The following SLC22A8 variants were observed in gnomAD, a reference collection of about 807,000 sequenced individuals.
SLC22A8 encodes the protein solute carrier family 22 member 8, also known as organic anion transporter 3.
Under a neutral mutation model 48.4 loss-of-function variants are expected in SLC22A8, and 40 were observed. That is an observed-to-expected ratio of 0.83 (90% CI 0.64 to 1.08). The LOEUF (loss-of-function observed/expected upper bound fraction) is 1.08, where lower values mean the gene tolerates loss of function less well. SLC22A8 is among the 50% of genes least tolerant of loss of function. SLC22A8 has a pLI of 0.00. For missense variants in SLC22A8, 606 were observed against 699.0 expected, an observed-to-expected ratio of 0.87 and a Z score of 1.50; for synonymous variants, 268 against 286.3, an observed-to-expected ratio of 0.94 and a Z score of 0.65.
chr11:63,014,569 G>T, intron 2 of SLC22A8, 57 bp downstream of exon 2: 1 of 1,390,520 alleles, frequency 7.2e-7, no homozygotes, highest in Non-Finnish European at 9.9e-7. Flanking sequence ...GCCCACCAGC[G>T]GTGCAGGGTA....
Position 62,995,808 on chromosome 11 carries a change from G to GC in SLC22A8, c.896_897insG (p.Asn300GlnfsTer17). 3 of 1,613,758 alleles carry GC rather than the reference G, an allele frequency of 1.9e-6. No individual in the cohort carries two copies. The highest frequency in any genetic ancestry group is 2.5e-6 in the Non-Finnish European group (3 of 1,179,660). On this transcript the variant is annotated frameshift_variant, in exon 7 of 11. Coordinates refer to ENST00000336232, the MANE Select transcript of SLC22A8 (RefSeq NM_004254.4). LOFTEE classifies it high-confidence loss of function. Reference sequence around the variant, plus strand: ...CCAAGGAGATCTCCTTCTGCAGGTTGAGTTTGAGCTCCTTCGGGCAGAGGA... The same window carrying GC: ...CCAAGGAGATCTCCTTCTGCAGGTTGCAGTTTGAGCTCCTTCGGGCAGAGGA...
In SLC22A8 at chr11:62,995,725, G is replaced by A. The variant is rs139583788; in HGVS notation, c.980C>T (p.Thr327Ile). The A allele has an allele frequency of 1.7e-5, 28 of 1,613,832 alleles. No individual in the cohort carries two copies. The African/African-American group carries it at 3.2e-4, about 18-fold the overall frequency. ...LFRIPMLRRM[T>I]FCLSLAWFAT... ...TTACCAGGCCAGGGAAAGACAGAAG[G>A]TCATGCGGCGCAGCATGGGTATCCG... The change falls in exon 7 of 11, where the codon ACC (threonine) becomes ATC (isoleucine). Residue 327 changes from threonine to isoleucine, a missense_variant. Thr to Ile is a moderately conservative substitution (Grantham distance 89). Transcript: ENST00000336232.
intron 4 of SLC22A8, 131 bp from the exon 5 acceptor site, chr11:62,999,220 C>T (rs924481951): frequency 2.5e-5 from 19 of 750,968 alleles, no homozygotes; most frequent in East Asian, 5.3e-5. Flanking sequence ...TATCGCCCTC[C>T]GTTGGGTCTT....
chr11:62,997,148 GCC>G (rs2086431235), intron 5 of SLC22A8, among the ~76,000 whole-genome samples: 1 of 152,216 alleles, frequency 6.6e-6, no homozygotes, highest in Non-Finnish European at 1.5e-5. Flanking sequence ...CAGTTAGTGA[GCC>G]TTCCTGTGTA....
At chr11:63,006,595 GTT>G (rs58058368) in intron 2 of SLC22A8, among the ~76,000 whole-genome samples, 49 of 51,414 alleles carry the variant, frequency 9.5e-4, no homozygotes, top group African/African-American at 3.5e-3. Context: ...TCTCATTTGA[GTT>G]TTTTTTTTTT....
chr11:63,005,130 A>G (rs1174638921), intron 2 of SLC22A8, among the ~76,000 whole-genome samples: 3 of 152,350 alleles, frequency 2.0e-5, no homozygotes, highest in East Asian at 3.9e-4. Flanking sequence ...GTGGTTAAAT[A>G]TTTTTAAAAA....
intron 2 of SLC22A8, among the ~76,000 whole-genome samples, chr11:63,012,672 T>C (rs116670331): frequency 0.03 from 4,515 of 152,266 alleles, 227 homozygotes; most frequent in African/African-American, 0.1. Flanking sequence ...CAGGCACTAT[T>C]CTAGCTGCTG....
At chr11:63,003,981 C>T (rs1293099338) in intron 2 of SLC22A8, among the ~76,000 whole-genome samples, 3 of 152,198 alleles carry the variant, frequency 2.0e-5, no homozygotes, top group Admixed American at 1.3e-4. Flanking sequence ...CTAGCCTATC[C>T]TGATACATCC....
intron 7 of SLC22A8, chr11:62,994,966 T>G: frequency 1.7e-6 from 1 of 605,686 alleles, no homozygotes; most frequent in Non-Finnish European, 3.0e-6. Flanking sequence ...ATGTCTGACG[T>G]GGGCATGGTC....
intron 7 of SLC22A8, 107 bp from the exon 8 acceptor site, chr11:62,994,863 A>G (rs2086396298): frequency 9.8e-6 from 8 of 816,384 alleles, no homozygotes; most frequent in African/African-American, 3.4e-5. Context: ...TCTTGTGCCA[A>G]CTGCAACTGA....
At chr11:63,015,137 G>A (rs2086660546) in intron 1 of SLC22A8, among the ~76,000 whole-genome samples, 154 bp from the exon 2 acceptor site, 1 of 152,210 alleles carries the variant, frequency 6.6e-6, no homozygotes, top group Non-Finnish European at 1.5e-5. Context: ...GGAAGCTCAG[G>A]CATGTGGAGC....
At chr11:63,014,554 C>T in intron 2 of SLC22A8, 72 bp downstream of exon 2, 1 of 1,363,464 alleles carries the variant, frequency 7.3e-7, no homozygotes, top group Non-Finnish European at 1.0e-6. Flanking sequence ...CCAGCCTCCT[C>T]TGCTGCCCAC....
chr11:63,007,243 G>C (rs990084088), intron 2 of SLC22A8, among the ~76,000 whole-genome samples: 2 of 152,168 alleles, frequency 1.3e-5, no homozygotes, highest in Non-Finnish European at 2.9e-5. Flanking sequence ...TCAACCTCCT[G>C]GTGGTTCTGT....
intron 2 of SLC22A8, among the ~76,000 whole-genome samples, chr11:63,010,087 T>C (rs1038210067): frequency 3.9e-5 from 6 of 152,168 alleles, no homozygotes; most frequent in African/African-American, 1.4e-4. Flanking sequence ...CAAAAAAGCA[T>C]GGCACCAGCA....
chr11:63,001,789 C>A (rs1394302270), intron 2 of SLC22A8, among the ~76,000 whole-genome samples: 1 of 152,186 alleles, frequency 6.6e-6, no homozygotes, highest in Non-Finnish European at 1.5e-5. Context: ...GGAGTAGATT[C>A]AGTGGTCCCA....
chr11:63,003,494 C>T (rs1245083095), intron 2 of SLC22A8, among the ~76,000 whole-genome samples: 1 of 152,098 alleles, frequency 6.6e-6, no homozygotes, highest in East Asian at 1.9e-4. Flanking sequence ...AAGGAAGAAG[C>T]AAGGGGGTGT....
chr11:62,998,797 C>T (rs2086454217), intron 5 of SLC22A8, 124 bp downstream of exon 5: 1 of 762,876 alleles, frequency 1.3e-6, no homozygotes, highest in East Asian at 2.5e-5. Context: ...CCCTGGAGTG[C>T]CCTTCCCTGA....
chr11:63,002,241 T>C (rs1205370798), intron 2 of SLC22A8, among the ~76,000 whole-genome samples: 2 of 152,186 alleles, frequency 1.3e-5, no homozygotes, highest in Non-Finnish European at 2.9e-5. Context: ...AAAAATTATA[T>C]CATTTTTAAT....
chr11:63,007,869 C>G (rs2086574102), intron 2 of SLC22A8, among the ~76,000 whole-genome samples: 1 of 152,150 alleles, frequency 6.6e-6, no homozygotes, highest in Non-Finnish European at 1.5e-5. Flanking sequence ...GACAAAGAAC[C>G]TGAGGCTCAG....
Sources: allele counts gnomAD v4.1 joint callset (sites outside exome capture counted in the v4.1 genomes callset), GRCh38; gene constraint gnomAD v4.1.1; transcripts MANE v1.5; gene names NCBI Gene and HGNC (gene_info 2026-07-23, HGNC 2026-07-21).